Variants in LRMDA observed in about 807,000 individuals in gnomAD.
LRMDA encodes leucine-rich melanocyte differentiation-associated protein.
LRMDA carries 18 observed loss-of-function variants against 29.8 expected under a neutral mutation model. That is an observed-to-expected ratio of 0.60 (90% CI 0.42 to 0.90). LRMDA has a LOEUF of 0.90. Ranked by LOEUF, LRMDA falls within the 40% of genes least tolerant of loss-of-function variation. The pLI is 0.00. For missense variants in LRMDA, 273 were observed against 273.9 expected (o/e 1.00, Z 0.02); for synonymous variants, 125 against 109.4 (o/e 1.14, Z -0.89).
intron 2 of LRMDA, among the ~76,000 whole-genome samples, chr10:75,853,729 C>T (rs1029588715): frequency 5.3e-5 from 8 of 152,120 alleles, no homozygotes; most frequent in South Asian, 4.1e-4. Context: ...TGAAACCAGC[C>T]GACTCTGTGA....
intron 2 of LRMDA, among the ~76,000 whole-genome samples, chr10:75,810,490 C>T (rs137944596): frequency 1.3e-5 from 2 of 152,296 alleles, no homozygotes; most frequent in African/African-American, 2.4e-5. Context: ...GAACAAAAGA[C>T]GCCAAAGATG....
intron 2 of LRMDA, among the ~76,000 whole-genome samples, chr10:75,562,126 TG>T (rs1472784645): frequency 6.6e-6 from 1 of 152,030 alleles, no homozygotes; most frequent in Non-Finnish European, 1.5e-5. Context: ...ATGTTGACAG[TG>T]GGGTGTTAAA....
At chr10:75,560,744 G>A (rs895908429) in intron 2 of LRMDA, among the ~76,000 whole-genome samples, 7 of 151,628 alleles carry the variant, frequency 4.6e-5, no homozygotes, top group South Asian at 2.1e-4. Context: ...TTAGCATGAA[G>A]CATTGTTGAA....
At chr10:76,239,187 G>T (rs1487487786) in intron 5 of LRMDA, among the ~76,000 whole-genome samples, 1 of 152,152 alleles carries the variant, frequency 6.6e-6, no homozygotes, top group African/African-American at 2.4e-5. Flanking sequence ...GTGATAGGGG[G>T]TGGCCAGCTG....
intron 2 of LRMDA, among the ~76,000 whole-genome samples, chr10:75,982,655 A>G (rs1847193080): frequency 6.6e-6 from 1 of 152,236 alleles, no homozygotes; most frequent in Non-Finnish European, 1.5e-5. Context: ...GTGGTGACCT[A>G]GGACTCATCA....
intron 2 of LRMDA, among the ~76,000 whole-genome samples, chr10:75,789,859 C>A (rs1589203071): frequency 6.6e-6 from 1 of 152,060 alleles, no homozygotes; most frequent in African/African-American, 2.4e-5. Context: ...GATTTCAGGA[C>A]CTCTGAAAGC....
chr10:75,502,469 A>G (rs927601624), intron 2 of LRMDA, among the ~76,000 whole-genome samples: 6 of 152,028 alleles, frequency 3.9e-5, no homozygotes, highest in African/African-American at 9.7e-5. Context: ...AATGGGGCCA[A>G]TCCTAAGGGC....
intron 5 of LRMDA, among the ~76,000 whole-genome samples, chr10:76,320,690 G>A (rs1359861207): frequency 6.6e-6 from 1 of 152,192 alleles, no homozygotes; most frequent in Admixed American, 6.5e-5. Context: ...CACATGTAGA[G>A]ATCATCCAGA....
chr10:75,773,914 G>T (rs1843275414), intron 2 of LRMDA, among the ~76,000 whole-genome samples: 1 of 152,180 alleles, frequency 6.6e-6, no homozygotes, highest in Admixed American at 6.5e-5. Context: ...TTCACATCTT[G>T]TGTGTTTCTC....
chr10:75,577,862 C>G (rs9416075), intron 2 of LRMDA, among the ~76,000 whole-genome samples: 91,848 of 151,852 alleles, frequency 0.6, 31,119 homozygotes, highest in East Asian at 0.85. Flanking sequence ...ACCACTAGGC[C>G]TGCCTTACAA....
intron 5 of LRMDA, among the ~76,000 whole-genome samples, chr10:76,290,552 A>G (rs937490607): frequency 1.3e-5 from 2 of 150,968 alleles, no homozygotes; most frequent in Non-Finnish European, 2.9e-5. Context: ...CCTCCCCAGT[A>G]GCTGGGATTA....
intron 6 of LRMDA, among the ~76,000 whole-genome samples, chr10:76,416,723 A>C (rs1397712928): frequency 6.6e-6 from 1 of 152,216 alleles, no homozygotes; most frequent in South Asian, 2.1e-4. Flanking sequence ...AAGTAGTCGT[A>C]ATAATATCAC....
In LRMDA at chr10:75,888,296, C is replaced by G. The variant is rs113087036; in HGVS notation, c.132-147712C>G. On this transcript the variant is annotated intron_variant, in intron 2 of 6. Coordinates refer to ENST00000611255, the MANE Select transcript of LRMDA (RefSeq NM_001305581.2). ...TGACACTCTCCGCGTATGATGAGTT[C>G]GTGATCCACAATAGTGGATCTGAAA... 9.3e-3 allele frequency among the ~76,000 whole-genome samples: 1,411 copies of G among 152,262 alleles called. 7 individuals are homozygous for G. The highest frequency in any genetic ancestry group is 0.015 in the Non-Finnish European group (1,036 of 68,026).
intron 2 of LRMDA, among the ~76,000 whole-genome samples, chr10:75,598,710 G>A (rs1259476761): frequency 1.3e-5 from 2 of 152,026 alleles, no homozygotes; most frequent in African/African-American, 2.4e-5. Context: ...AACTCCTTTC[G>A]TTCTCCTCCT....
At chr10:75,977,716 G>T (rs1222158679) in intron 2 of LRMDA, among the ~76,000 whole-genome samples, 1 of 152,164 alleles carries the variant, frequency 6.6e-6, no homozygotes, top group Non-Finnish European at 1.5e-5. Flanking sequence ...TGATGGTGAA[G>T]CCCTTTGAGC....
intron 2 of LRMDA, among the ~76,000 whole-genome samples, chr10:75,637,836 A>T (rs950925178): frequency 2.6e-5 from 4 of 152,196 alleles, no homozygotes; most frequent in African/African-American, 9.6e-5. Context: ...CTGGACTGTC[A>T]GCCCGGCTGG....
At chr10:75,897,579 C>A (rs1445764603) in intron 2 of LRMDA, among the ~76,000 whole-genome samples, 1 of 151,832 alleles carries the variant, frequency 6.6e-6, no homozygotes, top group Non-Finnish European at 1.5e-5. Flanking sequence ...TAAGGATTAT[C>A]TAATCAGTCC....
intron 5 of LRMDA, among the ~76,000 whole-genome samples, chr10:76,107,703 T>C (rs994861876): frequency 6.6e-6 from 1 of 152,238 alleles, no homozygotes; most frequent in African/African-American, 2.4e-5. Context: ...TGCCTCAACA[T>C]ACCTGTGTGG....
chr10:76,492,732 G>C (rs1358132354), intron 6 of LRMDA, among the ~76,000 whole-genome samples: 1 of 152,070 alleles, frequency 6.6e-6, no homozygotes, highest in Non-Finnish European at 1.5e-5. Flanking sequence ...AATCATGGCA[G>C]AAGGTGCCTC....
Sources: gnomAD v4.1 joint callset for allele counts (sites outside exome capture counted in the v4.1 genomes callset) on GRCh38, gnomAD v4.1.1 for gene constraint, MANE v1.5 for transcripts, NCBI Gene and HGNC (gene_info 2026-07-23, HGNC 2026-07-21) for gene names.